Variants in DGKI observed in about 807,000 individuals in gnomAD.
The protein encoded by DGKI is diacylglycerol kinase iota.
In DGKI, 55 loss-of-function variants were observed where a neutral mutation model predicts 147.5. The ratio of observed to expected loss-of-function variants is 0.37; its 90% CI spans 0.30 to 0.47. DGKI has a LOEUF of 0.47. DGKI is among the 20% of genes least tolerant of loss of function. The pLI, the probability that DGKI is intolerant of heterozygous loss-of-function variation, is 1.00. For synonymous variants in DGKI, 469 were observed against 477.1 expected, an observed-to-expected ratio of 0.98 and a Z score of 0.22; for missense variants, 1,007 against 1,323.8, an observed-to-expected ratio of 0.76 and a Z score of 3.71.
intron 22 of DGKI, 35 bp downstream of exon 22, chr7:137,487,575 T>C (rs1351551351): frequency 1.3e-6 from 2 of 1,563,236 alleles, no homozygotes; most frequent in South Asian, 1.1e-5. Context: ...AAATGGAAAG[T>C]TGAGGAGAAT....
rs972031995 is a variant in DGKI at position 137,574,684 on chromosome 7, C to A, written c.1762-1846G>T. ...GCAATTCCTTTAGAATAGCAGTTTT[C>A]AACTTTTTCCCAACTTCAAATACAC... On this transcript the variant is annotated intron_variant, in intron 17 of 32. Coordinates refer to ENST00000614521, the MANE Select transcript of DGKI (RefSeq NM_001321708.2). Among the ~76,000 whole-genome samples the A allele has an allele frequency of 1.2e-4, 19 of 152,036 alleles. 1 individual carries two copies. The highest frequency in any genetic ancestry group is 7.2e-5 in the African/African-American group (3 of 41,410).
intron 27 of DGKI, among the ~76,000 whole-genome samples, chr7:137,461,635 G>A (rs944773292): frequency 6.6e-6 from 1 of 152,170 alleles, no homozygotes; most frequent in Non-Finnish European, 1.5e-5. Flanking sequence ...TTCAGACTGA[G>A]CCTAGTAGAG....
chr7:137,510,981 T>C (rs1816560433), intron 21 of DGKI, among the ~76,000 whole-genome samples: 1 of 152,194 alleles, frequency 6.6e-6, no homozygotes, highest in South Asian at 2.1e-4. Context: ...AGACTGGCAG[T>C]GGACCAGTGA....
At position 137,386,077 on chromosome 7, in the gene DGKI, T is replaced by A. The variant is rs995087241; in HGVS notation, c.*5143A>T. The A allele has an allele frequency of 6.6e-6, 1 of 152,178 alleles. No homozygotes were observed. The highest frequency in any genetic ancestry group is 1.5e-5 in the Non-Finnish European group (1 of 68,008). 9.4% of individuals were successfully genotyped at this position (152,178 alleles called of 1,614,324 possible). A position where few individuals can be genotyped will look rare whatever the true frequency, so the allele number is the denominator to read the frequency against. On this transcript the variant is annotated 3_prime_UTR_variant, in exon 33 of 33. Coordinates refer to ENST00000614521, the MANE Select transcript of DGKI (RefSeq NM_001321708.2). ...TAACTGAATACATATGTAAATAGAC[T>A]CTGGAGTCTATGCATTATGAAGATA...
intron 1 of DGKI, among the ~76,000 whole-genome samples, chr7:137,842,878 G>A (rs931200376): frequency 1.3e-5 from 2 of 152,078 alleles, no homozygotes; most frequent in Non-Finnish European, 2.9e-5. Flanking sequence ...ATGACCTGCC[G>A]TGTATTACAG....
In DGKI at chr7:137,383,644, C is replaced by T. The variant is rs1811110574; in HGVS notation, c.*7576G>A. On this transcript the variant is annotated 3_prime_UTR_variant, in exon 33 of 33. Coordinates refer to ENST00000614521, the MANE Select transcript of DGKI (RefSeq NM_001321708.2). ...AGAAGAAACAGTGATAACAACTTCA[C>T]TGTTTTTCAGAAAGCCCAAACTGTT... is the stretch of plus-strand genomic sequence containing the variant. 6.6e-6 allele frequency: 1 copy of T among 151,968 alleles called. No homozygotes were observed. The highest frequency in any genetic ancestry group is 1.5e-5 in the Non-Finnish European group (1 of 67,926). The allele number at this position is 151,968 out of a possible 1,614,324, so 9.4% of individuals were successfully genotyped here. A position where few individuals can be genotyped will look rare whatever the true frequency, so the allele number is the denominator to read the frequency against.
intron 19 of DGKI, among the ~76,000 whole-genome samples, chr7:137,564,918 C>T (rs1430099410): frequency 6.6e-6 from 1 of 152,362 alleles, no homozygotes; most frequent in African/African-American, 2.4e-5. Flanking sequence ...CCGCCACAGT[C>T]GCGGCCGGCC....
At chr7:137,444,572 T>C (rs1232201238) in intron 27 of DGKI, among the ~76,000 whole-genome samples, 1 of 152,238 alleles carries the variant, frequency 6.6e-6, no homozygotes, top group Non-Finnish European at 1.5e-5. Flanking sequence ...AGTTTTTGTT[T>C]TCACTCTTCA....
chr7:137,404,014 G>A (rs1486275989), intron 30 of DGKI, among the ~76,000 whole-genome samples: 2 of 152,080 alleles, frequency 1.3e-5, no homozygotes, highest in Non-Finnish European at 2.9e-5. Flanking sequence ...GGATATTCCA[G>A]AGTTATCATC....
At chr7:137,635,944 G>A (rs529834331) in intron 6 of DGKI, among the ~76,000 whole-genome samples, 2 of 152,292 alleles carry the variant, frequency 1.3e-5, no homozygotes, top group South Asian at 4.2e-4. Context: ...GACTTAACAG[G>A]AAGCTCTTAA....
At chr7:137,644,112 T>C (rs897100010) in intron 6 of DGKI, among the ~76,000 whole-genome samples, 3 of 152,018 alleles carry the variant, frequency 2.0e-5, no homozygotes, top group African/African-American at 4.8e-5. Context: ...TTGGAAGAGG[T>C]TGATGGACCC....
intron 8 of DGKI, among the ~76,000 whole-genome samples, chr7:137,616,161 C>T (rs2128995547): frequency 6.6e-6 from 1 of 152,218 alleles, no homozygotes; most frequent in South Asian, 2.1e-4. Flanking sequence ...TTCCTGGGTC[C>T]AAGTCCCATC....
At chr7:137,493,004 A>G (rs1047826469) in intron 21 of DGKI, among the ~76,000 whole-genome samples, 1 of 151,688 alleles carries the variant, frequency 6.6e-6, no homozygotes, top group African/African-American at 2.4e-5. Context: ...GCTGGCATGC[A>G]CTCATCCAAG....
At chr7:137,452,866 T>C (rs913140918) in intron 27 of DGKI, 13 of 152,202 alleles carry the variant, frequency 8.5e-5, no homozygotes, top group Admixed American at 6.5e-4. Flanking sequence ...CAGCCTCCCA[T>C]CATGTGCTCA....
intron 1 of DGKI, among the ~76,000 whole-genome samples, chr7:137,778,856 C>G (rs1214977936): frequency 6.6e-6 from 1 of 152,124 alleles, no homozygotes; most frequent in African/African-American, 2.4e-5. Flanking sequence ...AGAGAAGTCA[C>G]AAAGGCAGTG....
chr7:137,820,978 A>G (rs1232811107), intron 1 of DGKI, among the ~76,000 whole-genome samples: 3 of 152,110 alleles, frequency 2.0e-5, no homozygotes, highest in Non-Finnish European at 2.9e-5. Flanking sequence ...AGAGGGGGAG[A>G]GCAGCTCCTC....
intron 4 of DGKI, 104 bp from the exon 5 acceptor site, chr7:137,654,892 C>T: frequency 2.9e-6 from 2 of 678,230 alleles, no homozygotes; most frequent in African/African-American, 1.8e-5. Context: ...GACTGAAAAG[C>T]AAAACCTCCA....
Position 137,407,737 on chromosome 7 carries a change from A to G in DGKI, c.2920+138T>C, listed in dbSNP as rs1812010168. 2.7e-6 allele frequency: 3 copies of G among 1,093,586 alleles called. No homozygotes were observed. In the Admixed American group the frequency reaches 6.4e-5, roughly 23 times the overall value. 67.7% of individuals were successfully genotyped at this position (1,093,586 alleles called of 1,614,324 possible). On this transcript the variant is annotated intron_variant, in intron 30 of 32. Transcript: ENST00000614521. ...GCAACCACGACTGCCTCAAATAAGCAGGGGCAGAGTCTGCTAAAAGTTCGA... is the reference window on the plus strand; with the variant it reads ...GCAACCACGACTGCCTCAAATAAGCGGGGGCAGAGTCTGCTAAAAGTTCGA...
At chr7:137,655,878 T>C (rs945694968) in intron 4 of DGKI, among the ~76,000 whole-genome samples, 3 of 152,168 alleles carry the variant, frequency 2.0e-5, no homozygotes, top group Non-Finnish European at 2.9e-5. Context: ...ATTGGAGCCT[T>C]TCCCATCCCC....
Sources: allele counts gnomAD v4.1 joint callset (sites outside exome capture counted in the v4.1 genomes callset), GRCh38; gene constraint gnomAD v4.1.1; transcripts MANE v1.5; gene names NCBI Gene and HGNC (gene_info 2026-07-23, HGNC 2026-07-21).